CHCHD6: variants seen among roughly 807,000 people sequenced by gnomAD.
The protein encoded by CHCHD6 is coiled-coil-helix-coiled-coil-helix domain containing 6.
In CHCHD6, 28 loss-of-function variants were observed where a neutral mutation model predicts 32.3. The observed-to-expected ratio is 0.87, with a 90% confidence interval of 0.64 to 1.19. The LOEUF (loss-of-function observed/expected upper bound fraction) is 1.19, where lower values mean the gene tolerates loss of function less well. Ranked by LOEUF, CHCHD6 falls within the 50% of genes most tolerant of loss-of-function variation. The pLI, the probability that CHCHD6 is intolerant of heterozygous loss-of-function variation, is 0.00. For synonymous variants in CHCHD6, 122 were observed against 117.5 expected, an observed-to-expected ratio of 1.04 and a Z score of -0.25; for missense variants, 333 against 307.0, an observed-to-expected ratio of 1.08 and a Z score of -0.63.
chr3:126,955,116 G>GT (rs2078765587), intron 6 of CHCHD6, among the ~76,000 whole-genome samples: 1 of 152,230 alleles, frequency 6.6e-6, no homozygotes, highest in South Asian at 2.1e-4. Context: ...GAGGCCAGCC[G>GT]TCCCCCAAGG....
chr3:126,855,258 G>A (rs1412772377), intron 5 of CHCHD6, among the ~76,000 whole-genome samples: 2 of 152,222 alleles, frequency 1.3e-5, no homozygotes, highest in Non-Finnish European at 2.9e-5. Context: ...AACTGATGGA[G>A]TGTGGGCACC....
intron 3 of CHCHD6, 65 bp from the exon 4 acceptor site, chr3:126,733,013 G>A: frequency 6.3e-7 from 1 of 1,576,776 alleles, no homozygotes; most frequent in South Asian, 1.1e-5. Context: ...CGCAGATCTT[G>A]TCTTGGCTAT....
chr3:126,870,051 T>C (rs2077444517), intron 5 of CHCHD6, among the ~76,000 whole-genome samples: 1 of 152,208 alleles, frequency 6.6e-6, no homozygotes, highest in Admixed American at 6.5e-5. Flanking sequence ...GGCTTTGGGT[T>C]CATCCCTGGG....
chr3:126,854,195 C>T (rs972094991), intron 5 of CHCHD6, among the ~76,000 whole-genome samples: 2 of 152,208 alleles, frequency 1.3e-5, no homozygotes, highest in South Asian at 2.1e-4. Context: ...TCTTCTTGCT[C>T]TTCATTAAGT....
intron 5 of CHCHD6, 102 bp from the exon 6 acceptor site, chr3:126,914,578 T>G: frequency 2.6e-6 from 2 of 761,640 alleles, no homozygotes; most frequent in South Asian, 1.5e-5. Context: ...TTGATGCCCG[T>G]CAAGAAATTA....
intron 6 of CHCHD6, among the ~76,000 whole-genome samples, chr3:126,943,845 A>G (rs1048984555): frequency 3.3e-5 from 5 of 152,230 alleles, no homozygotes; most frequent in African/African-American, 1.2e-4. Context: ...GGGAGGCCCT[A>G]TAGGAATCTG....
intron 4 of CHCHD6, among the ~76,000 whole-genome samples, chr3:126,831,191 T>C (rs912890078): frequency 2.6e-5 from 4 of 151,864 alleles, no homozygotes; most frequent in Non-Finnish European, 5.9e-5. Context: ...GCCTGGCTAA[T>C]TTTTTTTGTA....
In CHCHD6 at chr3:126,759,085, C is replaced by T. The variant is rs116654426; in HGVS notation, c.411+25863C>T. Among the ~76,000 whole-genome samples the T allele has an allele frequency of 8.3e-3, 1,269 of 152,316 alleles. 16 individuals are homozygous for T. The highest frequency in any genetic ancestry group is 0.029 in the African/African-American group (1,186 of 41,556). Reference sequence around the variant, plus strand: ...AGTCCAGCCCTGCGGCCTCCTGCAGCCCTGCCACTTTCTACCAGCAGCTCT... The same window carrying T: ...AGTCCAGCCCTGCGGCCTCCTGCAGTCCTGCCACTTTCTACCAGCAGCTCT... On this transcript the variant is annotated intron_variant, in intron 4 of 7. Coordinates refer to ENST00000290913, the MANE Select transcript of CHCHD6 (RefSeq NM_032343.3).
chr3:126,834,710 G>A (rs773604547), intron 4 of CHCHD6, among the ~76,000 whole-genome samples: 20 of 152,090 alleles, frequency 1.3e-4, no homozygotes, highest in Non-Finnish European at 2.4e-4. Context: ...GCTACTTCAC[G>A]ACAGAAGGAG....
chr3:126,835,792 A>G lies in CHCHD6; in HGVS notation c.412-16855A>G, dbSNP rs543216112. Among the ~76,000 whole-genome samples the G allele has an allele frequency of 1.2e-3, 186 of 152,354 alleles. 1 individual carries two copies. Among genetic ancestry groups the G allele is most frequent in the Middle Eastern group, 3.4e-3 (1 of 294 alleles). ...TACCCGACTCTTGCTTATTTCAAGCAGCATGCTGTTACCCTGTACCTAAAG... is the reference window on the plus strand; with the variant it reads ...TACCCGACTCTTGCTTATTTCAAGCGGCATGCTGTTACCCTGTACCTAAAG... On this transcript the variant is annotated intron_variant, in intron 4 of 7. Transcript: ENST00000290913.
chr3:126,952,951 T>C (rs2361714), intron 6 of CHCHD6: 984,963 of 985,302 alleles, frequency 1, 492,312 homozygotes, highest in Middle Eastern at 1. Flanking sequence ...GGCCATCACA[T>C]TCTCAGGGCC....
At chr3:126,849,158 T>C (rs1941387700) in intron 4 of CHCHD6, among the ~76,000 whole-genome samples, 1 of 152,248 alleles carries the variant, frequency 6.6e-6, no homozygotes, top group Non-Finnish European at 1.5e-5. Context: ...AGAAGTTTTT[T>C]ATATCAGCTT....
At chr3:126,708,146 C>G (rs1934584617) in intron 1 of CHCHD6, among the ~76,000 whole-genome samples, 1 of 152,206 alleles carries the variant, frequency 6.6e-6, no homozygotes, top group Admixed American at 6.5e-5. Context: ...TGAGCCAGCC[C>G]TATGAAGAGT....
rs149761118 is a variant in CHCHD6, at chr3:126,709,373, C to A, written c.87+4974C>A. Among the ~76,000 whole-genome samples the A allele has an allele frequency of 7.2e-5, 11 of 152,270 alleles. No homozygotes were observed. In the East Asian group the frequency reaches 1.9e-3, roughly 27 times the overall value. ...ATATACTGCATTTGGCTTATTCAGTCACCAGTTGAGGGCATTTGAATTTTT... is the reference window on the plus strand; with the variant it reads ...ATATACTGCATTTGGCTTATTCAGTAACCAGTTGAGGGCATTTGAATTTTT... On this transcript the variant is annotated intron_variant, in intron 1 of 7. Transcript: ENST00000290913.
chr3:126,824,493 A>G (rs567226461), intron 4 of CHCHD6, among the ~76,000 whole-genome samples: 23 of 131,030 alleles, frequency 1.8e-4, no homozygotes, highest in African/African-American at 6.5e-4. Context: ...CCCGGGAGGC[A>G]GAGGTGGCAG....
At chr3:126,954,132 T>C (rs1420262794) in intron 6 of CHCHD6, among the ~76,000 whole-genome samples, 1 of 152,202 alleles carries the variant, frequency 6.6e-6, no homozygotes, top group African/African-American at 2.4e-5. Context: ...TTGCCTTCCA[T>C]TCTGTCTCCT....
At chr3:126,789,357 G>A (rs970084289) in intron 4 of CHCHD6, among the ~76,000 whole-genome samples, 1 of 152,186 alleles carries the variant, frequency 6.6e-6, no homozygotes, top group African/African-American at 2.4e-5. Flanking sequence ...GCAGAGCTGA[G>A]TTCAATTCCT....
intron 1 of CHCHD6, among the ~76,000 whole-genome samples, chr3:126,726,287 A>G (rs896477220): frequency 2.6e-5 from 4 of 152,188 alleles, no homozygotes; most frequent in Non-Finnish European, 5.9e-5. Flanking sequence ...GGAATGGCTC[A>G]TTGCTGGAGC....
At chr3:126,874,744 C>A (rs1239514772) in intron 5 of CHCHD6, among the ~76,000 whole-genome samples, 1 of 152,148 alleles carries the variant, frequency 6.6e-6, no homozygotes, top group Non-Finnish European at 1.5e-5. Context: ...TGCCTTTAGT[C>A]CCACAGCTTC....
Sources: allele counts gnomAD v4.1 joint callset (sites outside exome capture counted in the v4.1 genomes callset), GRCh38; gene constraint gnomAD v4.1.1; transcripts MANE v1.5; gene names NCBI Gene and HGNC (gene_info 2026-07-23, HGNC 2026-07-21).